The following CHCHD6 variants were observed in gnomAD, a reference collection of about 807,000 sequenced individuals.
CHCHD6 encodes MICOS complex subunit MIC25.
CHCHD6 carries 28 observed loss-of-function variants against 32.3 expected under a neutral mutation model. The ratio of observed to expected loss-of-function variants is 0.87; its 90% CI spans 0.64 to 1.19. The LOEUF (loss-of-function observed/expected upper bound fraction) is 1.19, where lower values mean the gene tolerates loss of function less well. CHCHD6 is among the 50% of genes most tolerant of loss of function. The pLI, the probability that CHCHD6 is intolerant of heterozygous loss-of-function variation, is 0.00. For synonymous variants in CHCHD6, 122 were observed against 117.5 expected, an observed-to-expected ratio of 1.04 and a Z score of -0.25; for missense variants, 333 against 307.0, an observed-to-expected ratio of 1.08 and a Z score of -0.63.
chr3:126,845,810 G>T (rs566314874), intron 4 of CHCHD6, among the ~76,000 whole-genome samples: 2 of 151,962 alleles, frequency 1.3e-5, no homozygotes, highest in Non-Finnish European at 2.9e-5. Flanking sequence ...TATAGTTTCC[G>T]GTGGTGTCAG....
intron 5 of CHCHD6, among the ~76,000 whole-genome samples, chr3:126,869,288 CT>C (rs58408227): frequency 0.025 from 2,729 of 108,656 alleles, 28 homozygotes; most frequent in East Asian, 0.078. Flanking sequence ...CACCAGTCTC[CT>C]TTTTTTTTTT....
chr3:126,930,151 A>G (rs2078383254), intron 6 of CHCHD6, among the ~76,000 whole-genome samples: 1 of 152,220 alleles, frequency 6.6e-6, no homozygotes, highest in African/African-American at 2.4e-5. Context: ...TTAGAAGGGA[A>G]GAGGAGGGAA....
chr3:126,794,271 T>C (rs947040962), intron 4 of CHCHD6, among the ~76,000 whole-genome samples: 4 of 149,868 alleles, frequency 2.7e-5, no homozygotes, highest in African/African-American at 9.7e-5. Flanking sequence ...CAAACTATCA[T>C]TTTTAAAAGT....
intron 4 of CHCHD6, among the ~76,000 whole-genome samples, chr3:126,828,820 T>C (rs564605513): frequency 6.6e-6 from 1 of 152,348 alleles, no homozygotes; most frequent in South Asian, 2.1e-4. Flanking sequence ...TTTGTACCAC[T>C]CGGTAATGTC....
chr3:126,820,570 G>A (rs528641532), intron 4 of CHCHD6, among the ~76,000 whole-genome samples: 14 of 152,242 alleles, frequency 9.2e-5, no homozygotes, highest in African/African-American at 2.6e-4. Context: ...TTCCATTGCC[G>A]TATAGTATTT....
chr3:126,855,059 C>G (rs1576499148), intron 5 of CHCHD6: 1 of 152,170 alleles, frequency 6.6e-6, no homozygotes, highest in East Asian at 1.9e-4. Context: ...GCATGGAAAT[C>G]TCATTTTGTA....
chr3:126,841,975 G>T (rs943665895), intron 4 of CHCHD6, among the ~76,000 whole-genome samples: 1 of 152,014 alleles, frequency 6.6e-6, no homozygotes, highest in African/African-American at 2.4e-5. Context: ...TAGTCCAGGC[G>T]TAATGGCTCA....
At chr3:126,917,990 A>G (rs1576600771) in intron 6 of CHCHD6, among the ~76,000 whole-genome samples, 2 of 152,194 alleles carry the variant, frequency 1.3e-5, no homozygotes, top group Admixed American at 6.5e-5. Flanking sequence ...AGCAGCCTGA[A>G]TGGGCTAAGA....
At chr3:126,780,969 A>G (rs1190751772) in intron 4 of CHCHD6, among the ~76,000 whole-genome samples, 1 of 152,166 alleles carries the variant, frequency 6.6e-6, no homozygotes, top group Non-Finnish European at 1.5e-5. Flanking sequence ...CACCTCAAGC[A>G]GGAAAGACAC....
Position 126,952,762 on chromosome 3 carries a change from G to A in CHCHD6, c.567-4654G>A, listed in dbSNP as rs556311521. The stretch of plus-strand genomic sequence containing the variant: ...GGATGGAGTGCGGGGAATGGAGAAG[G>A]TCCAGGAGAGGTGGTCAGTGGGAGA... On this transcript the variant is annotated intron_variant, in intron 6 of 7. Coordinates refer to ENST00000290913, the MANE Select transcript of CHCHD6 (RefSeq NM_032343.3). 1.6e-4 allele frequency among the ~76,000 whole-genome samples: 24 copies of A among 152,318 alleles called. No individual in the cohort carries two copies. In the East Asian group the frequency reaches 4.4e-3, roughly 28 times the overall value.
chr3:126,705,998 C>T (rs1576318069), intron 1 of CHCHD6, among the ~76,000 whole-genome samples: 2 of 152,284 alleles, frequency 1.3e-5, no homozygotes, highest in South Asian at 4.1e-4. Flanking sequence ...TTGTGGACCT[C>T]ACTCGTGGCA....
intron 4 of CHCHD6, among the ~76,000 whole-genome samples, chr3:126,739,441 G>A (rs1936195912): frequency 2.0e-5 from 3 of 152,118 alleles, no homozygotes; most frequent in Non-Finnish European, 4.4e-5. Flanking sequence ...TGACTGGTGG[G>A]CAAAAAACCT....
intron 6 of CHCHD6, among the ~76,000 whole-genome samples, chr3:126,940,571 A>G (rs1280573067): frequency 6.6e-6 from 1 of 152,142 alleles, no homozygotes; most frequent in East Asian, 1.9e-4. Context: ...TTCTGGGTCA[A>G]AGGATACACA....
intron 4 of CHCHD6, among the ~76,000 whole-genome samples, chr3:126,823,184 T>C (rs1940227665): frequency 6.6e-6 from 1 of 151,986 alleles, no homozygotes; most frequent in African/African-American, 2.4e-5. Flanking sequence ...CACAAACTGC[T>C]AGGATTACAG....
chr3:126,910,892 C>T (rs2078079855), intron 5 of CHCHD6, among the ~76,000 whole-genome samples: 1 of 152,056 alleles, frequency 6.6e-6, no homozygotes, highest in African/African-American at 2.4e-5. Context: ...CACACATGTG[C>T]CCATGCATGC....
Position 126,765,434 on chromosome 3 carries a change from C to A in CHCHD6, c.411+32212C>A, listed in dbSNP as rs549916806. Among the ~76,000 whole-genome samples the A allele has an allele frequency of 3.3e-5, 5 of 152,286 alleles. 1 individual carries two copies. The South Asian group carries it at 1.0e-3, about 32-fold the overall frequency. On this transcript the variant is annotated intron_variant, in intron 4 of 7. Coordinates refer to ENST00000290913, the MANE Select transcript of CHCHD6 (RefSeq NM_032343.3). The stretch of plus-strand genomic sequence containing the variant: ...CAGTCACAGCATCCGTGCTGACACG[C>A]AAGGAAGGACATTCTTTGGTAATCT...
intron 1 of CHCHD6, among the ~76,000 whole-genome samples, chr3:126,726,818 T>TGTGGAGGGAAGTG (rs1481094531): frequency 6.6e-6 from 1 of 151,884 alleles, no homozygotes; most frequent in Admixed American, 6.6e-5. Flanking sequence ...GGACTGGGTG[T>TGTGGAGGGAAGTG]GTGGAGGGAA....
intron 1 of CHCHD6, among the ~76,000 whole-genome samples, chr3:126,713,367 C>T (rs985052844): frequency 6.6e-6 from 1 of 152,156 alleles, no homozygotes; most frequent in African/African-American, 2.4e-5. Flanking sequence ...GTGTCACATC[C>T]TTTCATGTCT....
At chr3:126,876,793 C>A (rs1388583591) in intron 5 of CHCHD6, among the ~76,000 whole-genome samples, 3 of 152,106 alleles carry the variant, frequency 2.0e-5, no homozygotes, top group East Asian at 1.9e-4. Context: ...TCTTTTAGAG[C>A]AGTTTTCAAA....
Sources: allele counts gnomAD v4.1 joint callset (sites outside exome capture counted in the v4.1 genomes callset), GRCh38; gene constraint gnomAD v4.1.1; transcripts MANE v1.5; gene names NCBI Gene and HGNC (gene_info 2026-07-23, HGNC 2026-07-21).